The following HTT variants were observed in gnomAD, a reference collection of about 807,000 sequenced individuals.
HTT encodes the protein huntington disease protein.
HTT carries 104 observed loss-of-function variants against 362.3 expected under a neutral mutation model. That is an observed-to-expected ratio of 0.29 (90% confidence interval 0.24 to 0.34). The LOEUF is 0.34. HTT is among the 10% of genes least tolerant of loss of function. HTT has a pLI of 1.00. For missense variants in HTT, 3,301 were observed against 3,928.6 expected (o/e 0.84, Z 4.27); for synonymous variants, 1,577 against 1,548.7 (o/e 1.02, Z -0.43).
At chr4:3,185,343 G>A (rs1451495456) in intron 37 of HTT, among the ~76,000 whole-genome samples, 2 of 152,162 alleles carry the variant, frequency 1.3e-5, no homozygotes, top group South Asian at 2.1e-4. Context: ...GAGTTGCTGG[G>A]GAGGAGGCAG....
intron 29 of HTT, among the ~76,000 whole-genome samples, chr4:3,168,688 C>G (rs529878324): frequency 3.2e-4 from 48 of 152,204 alleles, no homozygotes; most frequent in Admixed American, 1.3e-4. Flanking sequence ...AAGACTTTAT[C>G]TGCAAACCGG....
At chr4:3,220,835 T>G (rs1720638119) in intron 53 of HTT, among the ~76,000 whole-genome samples, 1 of 152,196 alleles carries the variant, frequency 6.6e-6, no homozygotes, top group Non-Finnish European at 1.5e-5. Context: ...CCCTCCTACC[T>G]GAGCAGCGCA....
chr4:3,171,696 T>G (rs995489503), intron 29 of HTT, among the ~76,000 whole-genome samples: 11 of 152,104 alleles, frequency 7.2e-5, no homozygotes, highest in Admixed American at 6.5e-4. Context: ...AGGCTGGTCT[T>G]GAACTCCTGA....
intron 26 of HTT, among the ~76,000 whole-genome samples, chr4:3,148,422 C>G (rs1716713452): frequency 6.6e-6 from 1 of 152,106 alleles, no homozygotes; most frequent in African/African-American, 2.4e-5. Context: ...GAGACTGAGG[C>G]AAGTGGATCA....
At chr4:3,130,774 T>C (rs927276402) in intron 14 of HTT, among the ~76,000 whole-genome samples, 2 of 152,222 alleles carry the variant, frequency 1.3e-5, no homozygotes, top group Non-Finnish European at 2.9e-5. Context: ...CTTCATATTA[T>C]CTTTTTACAT....
At chr4:3,150,802 C>T (rs1716841777) in intron 26 of HTT, among the ~76,000 whole-genome samples, 1 of 152,112 alleles carries the variant, frequency 6.6e-6, no homozygotes, top group Non-Finnish European at 1.5e-5. Context: ...TTTGGGAGGC[C>T]GAGACCAGTG....
At chr4:3,184,486 G>T (rs915544892) in intron 37 of HTT, among the ~76,000 whole-genome samples, 1 of 152,122 alleles carries the variant, frequency 6.6e-6, no homozygotes, top group Non-Finnish European at 1.5e-5. Flanking sequence ...ACCCATGTGA[G>T]ACCCGGCACT....
chr4:3,160,335 A>C lies in HTT; in HGVS notation c.3807A>C (p.Ser1269=). Residue 1269 remains serine (S), a synonymous_variant, in exon 29 of 67, where the codon TCA becomes TCC. Coordinates refer to ENST00000355072, the MANE Select transcript of HTT (RefSeq NM_001388492.1). ...STEKFGGFLR[S]ALDVLSQILE... Reference sequence around the variant, plus strand: ...AAAAGTTTGGAGGGTTTCTCCGCTCAGCCTTGGATGTTCTTTCTCAGATAC... The same window carrying C: ...AAAAGTTTGGAGGGTTTCTCCGCTCCGCCTTGGATGTTCTTTCTCAGATAC... 2 of 1,555,230 alleles carry C rather than the reference A, an allele frequency of 1.3e-6. No individual in the cohort carries two copies. Among genetic ancestry groups the C allele is most frequent in the South Asian group, 1.2e-5 (1 of 84,270 alleles).
chr4:3,137,647 A>G (rs925223816), intron 21 of HTT, among the ~76,000 whole-genome samples: 1 of 152,204 alleles, frequency 6.6e-6, no homozygotes, highest in African/African-American at 2.4e-5. Flanking sequence ...TGCAGTGAGC[A>G]GAGATCGCGC....
chr4:3,100,581 C>T (rs1198875195), intron 3 of HTT, among the ~76,000 whole-genome samples: 4 of 152,240 alleles, frequency 2.6e-5, no homozygotes, highest in Admixed American at 2.6e-4. Flanking sequence ...TATGCAGTGA[C>T]GTATATCAGT....
intron 42 of HTT, 28 bp downstream of exon 42, chr4:3,204,176 T>C (rs1010259403): frequency 2.5e-6 from 4 of 1,613,222 alleles, no homozygotes; most frequent in Non-Finnish European, 2.5e-6. Context: ...GTAAACGGGG[T>C]TGAGGGAGGT....
rs776923517 is a variant in HTT, at chr4:3,116,092, C to T, written c.897C>T (p.Leu299=). 26 of 1,609,062 alleles carry T rather than the reference C, an allele frequency of 1.6e-5. No homozygotes were observed. The highest frequency in any genetic ancestry group is 2.1e-5 in the Non-Finnish European group (25 of 1,176,990). Residue 299 remains leucine (L), a synonymous_variant, in exon 8 of 67, where the codon CTC becomes CTT. Coordinates refer to ENST00000355072, the MANE Select transcript of HTT (RefSeq NM_001388492.1). ...SWLLNVLLGL[L]VPVEDEHSTL... is the part of the protein sequence containing the mutation. ...TTGCTTCCACCCCCACAGGCTTACT[C>T]GTTCCTGTCGAGGATGAACACTCCA...
At chr4:3,160,870 G>A (rs1717407067) in intron 29 of HTT, among the ~76,000 whole-genome samples, 1 of 151,934 alleles carries the variant, frequency 6.6e-6, no homozygotes, top group Non-Finnish European at 1.5e-5. Context: ...TAAAAGTCTC[G>A]TAGATTTTCT....
At chr4:3,210,722 A>AGGGCTG (rs1474421219) in intron 47 of HTT, among the ~76,000 whole-genome samples, 6 of 152,120 alleles carry the variant, frequency 3.9e-5, no homozygotes, top group Non-Finnish European at 8.8e-5. Context: ...GATATGCAGC[A>AGGGCTG]AATGGGAGGG....
intron 31 of HTT, among the ~76,000 whole-genome samples, chr4:3,174,075 G>A (rs1018047019): frequency 6.6e-5 from 10 of 152,174 alleles, no homozygotes; most frequent in Non-Finnish European, 1.5e-4. Context: ...CTGTATAGTA[G>A]CAATAATAGA....
rs761630952 is a variant in HTT at position 3,136,298 on chromosome 4, C to T, written c.2770C>T (p.Arg924Ter). The change falls in exon 21 of 67, where the codon CGA becomes TGA. Residue 924 changes from arginine to a stop codon, truncating the protein, a stop_gained. Coordinates refer to ENST00000355072, the MANE Select transcript of HTT (RefSeq NM_001388492.1). LOFTEE classifies it high-confidence loss of function. Reference sequence around the variant, plus strand: ...GCTTGGAGATGAAGACCCCAGGGTGCGACATGTTGCCGCAGCATCACTAAT... The same window carrying T: ...GCTTGGAGATGAAGACCCCAGGGTGTGACATGTTGCCGCAGCATCACTAAT... ...HLLGDEDPRV[R>*]HVAAASLIRL... 2 of 1,604,722 alleles carry T rather than the reference C, an allele frequency of 1.2e-6. No homozygotes were observed. Among genetic ancestry groups the T allele is most frequent in the East Asian group, 2.2e-5 (1 of 44,814 alleles).
At chr4:3,110,382 A>G (rs55962025) in intron 6 of HTT, among the ~76,000 whole-genome samples, 1 of 151,958 alleles carries the variant, frequency 6.6e-6, no homozygotes, top group African/African-American at 2.4e-5. Context: ...TGGTCATCCA[A>G]CTTGAGTTAT....
Position 3,143,862 on chromosome 4 carries a change from C to T in HTT, c.3066+976C>T, listed in dbSNP as rs571057366. On this transcript the variant is annotated intron_variant, in intron 23 of 66. Transcript: ENST00000355072. Reference sequence around the variant, plus strand: ...AGGTGATCCGCCCTCCTCGACCCCCCAAAGTGCTGGGATTACAGGTGTGAG... The same window carrying T: ...AGGTGATCCGCCCTCCTCGACCCCCTAAAGTGCTGGGATTACAGGTGTGAG... 3.1e-3 allele frequency among the ~76,000 whole-genome samples: 479 copies of T among 152,222 alleles called. 1 individual carries two copies. Among genetic ancestry groups the T allele is most frequent in the African/African-American group, 0.011 (441 of 41,534 alleles).
chr4:3,212,004 C>G lies in HTT; in HGVS notation c.6490C>G (p.Leu2164Val). ...SEISGGQKSALFEAAREVTLA... is the reference protein window; with the variant it reads ...SEISGGQKSAVFEAAREVTLA... ...AATTTCTGGTGGCCAGAAGAGTGCC[C>G]TTTTTGAAGCAGCCCGTGAGGTGAC... Residue 2164 changes from leucine (L) to valine (V), a missense_variant, in exon 48 of 67, where the codon CTT becomes GTT. Leu to Val is a conservative substitution (Grantham distance 32). This residue lies in a region of HTT where 2,316 missense variants were observed against 2,658.5 expected (regional missense o/e 0.87). Coordinates refer to ENST00000355072, the MANE Select transcript of HTT (RefSeq NM_001388492.1). 1.2e-6 allele frequency: 2 copies of G among 1,614,174 alleles called. No homozygotes were observed. The highest frequency in any genetic ancestry group is 1.1e-5 in the South Asian group (1 of 91,080).
Sources: gnomAD v4.1 joint callset for allele counts (sites outside exome capture counted in the v4.1 genomes callset) on GRCh38, gnomAD v4.1.1 for gene constraint, gnomAD v4.1.1 regional missense constraint, MANE v1.5 for transcripts, NCBI Gene and HGNC (gene_info 2026-07-23, HGNC 2026-07-21) for gene names.